Variants in PALD1 observed in about 807,000 individuals in gnomAD.
PALD1 encodes paladin.
Under a neutral mutation model 96.0 loss-of-function variants are expected in PALD1, and 57 were observed. The observed-to-expected ratio is 0.59, with a 90% CI of 0.48 to 0.74. The LOEUF is 0.74. PALD1 is among the 30% of genes least tolerant of loss of function. The pLI, the probability that PALD1 is intolerant of heterozygous loss-of-function variation, is 0.00. For synonymous variants in PALD1, 464 were observed against 473.6 expected, an observed-to-expected ratio of 0.98 and a Z score of 0.26; for missense variants, 1,063 against 1,143.7, an observed-to-expected ratio of 0.93 and a Z score of 1.02.
Position 70,489,551 on chromosome 10 carries a change from T to C in PALD1, c.-30+10492T>C, listed in dbSNP as rs549547210. Among the ~76,000 whole-genome samples the C allele has an allele frequency of 6.6e-5, 10 of 152,208 alleles. No homozygotes were observed. The East Asian group carries it at 1.9e-3, about 29-fold the overall frequency. On this transcript the variant is annotated intron_variant, in intron 1 of 19. Transcript: ENST00000263563. ...GGTCTCATCCTGGGCTCAGGAATCC[T>C]GTAGGGGGAGGGGAGGACCTGGCAG...
intron 1 of PALD1, among the ~76,000 whole-genome samples, chr10:70,506,766 A>G (rs1419190504): frequency 1.3e-5 from 2 of 152,106 alleles, no homozygotes; most frequent in Non-Finnish European, 2.9e-5. Context: ...AGGGGTCTCA[A>G]TCAGGCAACT....
At position 70,525,114 on chromosome 10, in the gene PALD1, G is replaced by A. The variant is rs138483062; in HGVS notation, c.-29-809G>A. 9.3e-3 allele frequency among the ~76,000 whole-genome samples: 1,417 copies of A among 152,090 alleles called. 29 individuals carry two copies. Among genetic ancestry groups the A allele is most frequent in the African/African-American group, 0.033 (1,359 of 41,466 alleles). ...CTTCCCGGGTTCAAGCGATTCTCGT[G>A]CCTCAGCCTCCTGAGTAGCTGGGAT... On this transcript the variant is annotated intron_variant, in intron 1 of 19. Transcript: ENST00000263563.
intron 17 of PALD1, among the ~76,000 whole-genome samples, chr10:70,542,445 C>A (rs1043010389): frequency 6.6e-6 from 1 of 152,180 alleles, no homozygotes; most frequent in East Asian, 1.9e-4. Context: ...GATTCCCCAT[C>A]CTCCCTCCCA....
intron 17 of PALD1, among the ~76,000 whole-genome samples, chr10:70,542,676 C>T (rs1329685282): frequency 1.3e-5 from 2 of 152,196 alleles, no homozygotes; most frequent in Admixed American, 1.3e-4. Context: ...CTCCATTCCT[C>T]CATCAAGGGA....
At chr10:70,504,652 G>A (rs1344867271) in intron 1 of PALD1, among the ~76,000 whole-genome samples, 1 of 152,188 alleles carries the variant, frequency 6.6e-6, no homozygotes, top group Non-Finnish European at 1.5e-5. Context: ...AAATTGAATA[G>A]GAAGCGTGGC....
At chr10:70,547,179 C>A in intron 17 of PALD1, 127 bp from the exon 18 acceptor site, 1 of 791,856 alleles carries the variant, frequency 1.3e-6, no homozygotes, top group Non-Finnish European at 2.2e-6. Context: ...GAGGAGCAGG[C>A]AGGGCTCTCT....
Position 70,529,267 on chromosome 10 carries a change from T to C in PALD1, c.224T>C (p.Leu75Pro). 1 of 1,339,260 alleles carries C rather than the reference T, an allele frequency of 7.5e-7. No individual in the cohort carries two copies. The highest frequency in any genetic ancestry group is 1.0e-6 in the Non-Finnish European group (1 of 999,246). 83.0% of individuals were successfully genotyped at this position (1,339,260 alleles called of 1,614,324 possible). A position where few individuals can be genotyped will look rare whatever the true frequency, so the allele number is the denominator to read the frequency against. Reference sequence around the variant, plus strand: ...GAGGAGTTCCAGATCCATGATGAGCTGCTCAAGGCTCATTACACGTTGGGC... The same window carrying C: ...GAGGAGTTCCAGATCCATGATGAGCCGCTCAAGGCTCATTACACGTTGGGC... ...CKEEFQIHDE[L>P]LKAHYTLGRL... Residue 75 changes from leucine (L) to proline (P), a missense_variant, in exon 3 of 20, where the codon CTG (leucine) becomes CCG (proline). By Grantham distance (98) the Leu-to-Pro change is moderately conservative. Transcript: ENST00000263563.
chr10:70,552,125 C>T (rs1174202837), intron 18 of PALD1, among the ~76,000 whole-genome samples: 1 of 152,174 alleles, frequency 6.6e-6, no homozygotes, highest in Non-Finnish European at 1.5e-5. Context: ...TGAGTAGGGA[C>T]CGGTGATGAA....
chr10:70,469,196 C>T, the PALD1 span, among the ~76,000 whole-genome samples: 3 of 152,168 alleles, frequency 2.0e-5, no homozygotes, highest in Admixed American at 1.3e-4. Flanking sequence ...AGGATTACCT[C>T]GGAGTCCCTT....
In PALD1 at chr10:70,564,592, G is replaced by A. The variant is rs1847806504; in HGVS notation, c.2418+73G>A. Reference sequence around the variant, plus strand: ...GATGGAGCTGGGTCACAGCCACTCAGTGCCTGTACATGGCCTGCGGGGACC... The same window carrying A: ...GATGGAGCTGGGTCACAGCCACTCAATGCCTGTACATGGCCTGCGGGGACC... On this transcript the variant is annotated intron_variant, in intron 19 of 19. Coordinates refer to ENST00000263563, the MANE Select transcript of PALD1 (RefSeq NM_014431.3). The A allele has an allele frequency of 7.5e-6, 11 of 1,463,080 alleles. No individual in the cohort carries two copies. The South Asian group carries it at 1.1e-4, about 15-fold the overall frequency. The allele number at this position is 1,463,080 out of a possible 1,614,324, so 90.6% of individuals were successfully genotyped here. A position where few individuals can be genotyped will look rare whatever the true frequency, so the allele number is the denominator to read the frequency against.
Position 70,540,763 on chromosome 10 carries a change from C to A in PALD1, c.1909-339C>A, listed in dbSNP as rs988229331. Among the ~76,000 whole-genome samples, 2 of 152,150 alleles carry A rather than the reference C, an allele frequency of 1.3e-5. No individual in the cohort carries two copies. ...TCAGGTGGGTGGCAGGGCCAGCAGT[C>A]TATGTGCAGCCCAGGGGCGCAGTAC... On this transcript the variant is annotated intron_variant, in intron 15 of 19. Transcript: ENST00000263563. This position sits in a 1 kb window ranked among gnomAD's most constrained non-coding sequence, Gnocchi z 4.2.
Position 70,564,383 on chromosome 10 carries a change from C to A in PALD1, c.2282C>A (p.Ala761Glu), listed in dbSNP as rs766925536. Residue 761 changes from alanine (A) to glutamate (E), a missense_variant, in exon 19 of 20, where the codon GCG (alanine) becomes GAG (glutamate). By Grantham distance (107) the Ala-to-Glu change is moderately radical (BLOSUM62 -1). Coordinates refer to ENST00000263563, the MANE Select transcript of PALD1 (RefSeq NM_014431.3). ...TYRQAKAAKE[A>E]QEMRRLQLRS... The stretch of plus-strand genomic sequence containing the variant: ...CTCCAGGCGAAGGCAGCGAAAGAGG[C>A]GCAAGAAATGCGGAGGCTGCAGCTG... The A allele has an allele frequency of 1.9e-6, 3 of 1,613,562 alleles. No homozygotes were observed. The highest frequency in any genetic ancestry group is 2.5e-6 in the Non-Finnish European group (3 of 1,179,796).
upstream of PALD1, among the ~76,000 whole-genome samples, chr10:70,474,050 C>A (rs963408407): frequency 6.6e-6 from 1 of 152,152 alleles, no homozygotes; most frequent in East Asian, 1.9e-4. Context: ...CTCTGTAGAA[C>A]CTGAAGAATG....
chr10:70,467,535 G>A, the PALD1 span, among the ~76,000 whole-genome samples: 2 of 152,166 alleles, frequency 1.3e-5, no homozygotes, highest in Admixed American at 6.5e-5. Context: ...CACAGTTCGC[G>A]GGGAAGCGGA....
intron 19 of PALD1, among the ~76,000 whole-genome samples, chr10:70,564,883 G>A (rs1016497298): frequency 2.6e-5 from 4 of 152,230 alleles, no homozygotes; most frequent in African/African-American, 9.6e-5. Context: ...GGCACTTCAT[G>A]CCCACAATTG....
intron 8 of PALD1, 106 bp downstream of exon 8, chr10:70,534,179 A>G: frequency 7.6e-7 from 1 of 1,316,430 alleles, no homozygotes; most frequent in Non-Finnish European, 1.0e-6. Context: ...CAGAGCTGGA[A>G]ATTTGGCATC....
chr10:70,561,254 C>A (rs954990502), intron 18 of PALD1, among the ~76,000 whole-genome samples: 1 of 152,246 alleles, frequency 6.6e-6, no homozygotes, highest in Non-Finnish European at 1.5e-5. Flanking sequence ...TGGCACAGAG[C>A]CAGAGCTGAG....
chr10:70,533,040 C>A lies in PALD1; in HGVS notation c.840C>A (p.Ala280=). ...CCGAGCAAGGGAGTCCCCTGGAGGC[C>A]CAGTTGGACGCCTTTGTCAGTGTTC... ...PLPEQGSPLE[A]QLDAFVSVLR... Residue 280 remains alanine (A), a synonymous_variant, in exon 7 of 20, where the codon GCC becomes GCA. Transcript: ENST00000263563. 6.3e-7 allele frequency: 1 copy of A among 1,585,872 alleles called. No individual in the cohort carries two copies. Among genetic ancestry groups the A allele is most frequent in the South Asian group, 1.1e-5 (1 of 87,034 alleles).
chr10:70,506,458 G>A (rs916524009), intron 1 of PALD1, among the ~76,000 whole-genome samples: 1 of 152,208 alleles, frequency 6.6e-6, no homozygotes, highest in Non-Finnish European at 1.5e-5. Flanking sequence ...TTTCAGAACT[G>A]TAGGATTAGA....
Sources: gnomAD v4.1 joint callset for allele counts (sites outside exome capture counted in the v4.1 genomes callset) on GRCh38, gnomAD v4.1.1 for gene constraint, Gnocchi (gnomAD v3.1) non-coding constraint, MANE v1.5 for transcripts, NCBI Gene and HGNC (gene_info 2026-07-23, HGNC 2026-07-21) for gene names.